TET1: variants seen among roughly 807,000 people sequenced by gnomAD.
TET1 encodes the protein methylcytosine dioxygenase TET1.
A neutral mutation model predicts 148.7 loss-of-function variants in TET1; 13 were observed. The ratio of observed to expected loss-of-function variants is 0.09; its 90% confidence interval spans 0.06 to 0.14. The LOEUF is 0.14. Among genes scored for constraint, TET1 ranks in the 10% least tolerant of loss-of-function variants. The pLI, the probability that TET1 is intolerant of heterozygous loss-of-function variation, is 1.00. For synonymous variants in TET1, 907 were observed against 937.2 expected, an observed-to-expected ratio of 0.97 and a Z score of 0.59; for missense variants, 2,182 against 2,553.8, an observed-to-expected ratio of 0.85 and a Z score of 3.14.
intron 3 of TET1, among the ~76,000 whole-genome samples, chr10:68,641,306 G>A (rs111772569): frequency 5.9e-5 from 9 of 151,856 alleles, no homozygotes; most frequent in African/African-American, 1.7e-4. Context: ...GGGTTCAAGC[G>A]ATTCTCCTGC....
intron 2 of TET1, among the ~76,000 whole-genome samples, chr10:68,580,264 A>C (rs950269312): frequency 7.3e-6 from 1 of 137,042 alleles, no homozygotes; most frequent in African/African-American, 2.7e-5. Flanking sequence ...TTTATTATTA[A>C]TTTTTATCTT....
chr10:68,670,667 T>C (rs2055260797), intron 7 of TET1, among the ~76,000 whole-genome samples: 1 of 152,222 alleles, frequency 6.6e-6, no homozygotes. Context: ...TTTTCAATGA[T>C]ATGAATAAAT....
Position 68,572,401 on chromosome 10 carries a change from A to G in TET1, c.63A>G (p.Lys21=). ...TCAGGAAGGAAGATGTAAACAAAAA[A>G]AAGAAAAACAGCCAACTACGAAAGA... is the stretch of plus-strand genomic sequence containing the variant. ...RLVRKEDVNK[K]KKNSQLRKTT... is the part of the protein sequence containing the mutation. The change falls in exon 2 of 12, where the codon AAA becomes AAG. Residue 21 remains lysine (K), a synonymous_variant. Coordinates refer to ENST00000373644, the MANE Select transcript of TET1 (RefSeq NM_030625.3). 6.2e-7 allele frequency: 1 copy of G among 1,613,078 alleles called. No homozygotes were observed. The highest frequency in any genetic ancestry group is 8.5e-7 in the Non-Finnish European group (1 of 1,179,802).
intron 3 of TET1, among the ~76,000 whole-genome samples, chr10:68,640,487 C>A (rs565065459): frequency 1.4e-5 from 2 of 143,396 alleles, no homozygotes; most frequent in African/African-American, 5.2e-5. Flanking sequence ...TGGTCTTGAT[C>A]TCCTGAACTC....
intron 3 of TET1, among the ~76,000 whole-genome samples, chr10:68,624,099 C>CTTTTTTTTTTTTTTTTTTTTTTTTTT (rs773374173): frequency 6.8e-6 from 1 of 148,032 alleles, no homozygotes; most frequent in Non-Finnish European, 1.5e-5. Context: ...TTCTTTCTTT[C>CTTTTTTTTTTTTTTTTTTTTTTTTTT]TTTTCTTTTT....
At chr10:68,655,653 T>G (rs907389700) in intron 6 of TET1, among the ~76,000 whole-genome samples, 3 of 152,224 alleles carry the variant, frequency 2.0e-5, no homozygotes, top group African/African-American at 7.2e-5. Context: ...AGTGTATAGT[T>G]TTTTTGTTTT....
chr10:68,641,102 A>C (rs2054746320), intron 3 of TET1, among the ~76,000 whole-genome samples: 1 of 151,278 alleles, frequency 6.6e-6, no homozygotes, highest in Non-Finnish European at 1.5e-5. Context: ...GAAGCCTAAA[A>C]TATTTACTAT....
At chr10:68,571,973 C>G (rs938723169) in intron 1 of TET1, among the ~76,000 whole-genome samples, 1 of 151,978 alleles carries the variant, frequency 6.6e-6, no homozygotes. Flanking sequence ...AAAAATTAGC[C>G]AGGTGTGATG....
chr10:68,613,240 T>A (rs1328632175), intron 3 of TET1, among the ~76,000 whole-genome samples: 13 of 152,256 alleles, frequency 8.5e-5, no homozygotes, highest in Admixed American at 1.3e-4. Context: ...TTCTCTGACA[T>A]GTTACATTTA....
chr10:68,655,889 C>A (rs1199097136), intron 6 of TET1, among the ~76,000 whole-genome samples: 3 of 152,102 alleles, frequency 2.0e-5, no homozygotes, highest in Non-Finnish European at 4.4e-5. Context: ...GCAAGTGAAG[C>A]TTCATCTGTA....
At chr10:68,601,254 C>T (rs2132875131) in intron 3 of TET1, among the ~76,000 whole-genome samples, 1 of 152,254 alleles carries the variant, frequency 6.6e-6, no homozygotes, top group East Asian at 1.9e-4. Flanking sequence ...CTCAAGTCTA[C>T]AGAAAGAAAA....
intron 2 of TET1, among the ~76,000 whole-genome samples, chr10:68,586,260 C>G (rs1293972455): frequency 1.3e-5 from 2 of 152,178 alleles, no homozygotes; most frequent in East Asian, 3.9e-4. Context: ...TCACTGCAAT[C>G]AGTACCTCCC....
intron 6 of TET1, among the ~76,000 whole-genome samples, chr10:68,655,719 T>G (rs2055011763): frequency 6.6e-6 from 1 of 152,244 alleles, no homozygotes; most frequent in African/African-American, 2.4e-5. Flanking sequence ...AAGATTTCGG[T>G]AACAACTTTC....
intron 6 of TET1, among the ~76,000 whole-genome samples, chr10:68,666,584 G>T (rs187400291): frequency 2.0e-4 from 31 of 152,230 alleles, no homozygotes; most frequent in Non-Finnish European, 3.5e-4. Context: ...TGTCTGTTGT[G>T]CAAACTATAA....
intron 6 of TET1, among the ~76,000 whole-genome samples, chr10:68,655,955 T>C (rs1200107586): frequency 2.6e-5 from 4 of 152,090 alleles, no homozygotes; most frequent in Non-Finnish European, 5.9e-5. Flanking sequence ...TTCTGTCAGA[T>C]CAGCAGTGGG....
At chr10:68,668,933 TATG>T (rs1444935805) in intron 7 of TET1, among the ~76,000 whole-genome samples, 7 of 152,124 alleles carry the variant, frequency 4.6e-5, no homozygotes, top group Admixed American at 3.9e-4. Context: ...TGCAGTGAAC[TATG>T]ATGATGCCAC....
chr10:68,639,454 C>CTATTAT (rs1252293347), intron 3 of TET1, among the ~76,000 whole-genome samples: 55 of 139,226 alleles, frequency 4.0e-4, no homozygotes, highest in African/African-American at 1.4e-3. Flanking sequence ...ATTACTACTA[C>CTATTAT]TACTACTACT....
chr10:68,592,006 G>A (rs781330974), intron 2 of TET1, among the ~76,000 whole-genome samples: 33 of 152,044 alleles, frequency 2.2e-4, no homozygotes, highest in Non-Finnish European at 4.3e-4. Flanking sequence ...GTTATACAAG[G>A]GTGTTTTCTA....
At chr10:68,570,394 C>G (rs113089236) in intron 1 of TET1, among the ~76,000 whole-genome samples, 1 of 151,972 alleles carries the variant, frequency 6.6e-6, no homozygotes, top group Non-Finnish European at 1.5e-5. Flanking sequence ...CGTGAGCCAC[C>G]GCGCCCAGCC....
Sources: gnomAD v4.1 joint callset for allele counts (sites outside exome capture counted in the v4.1 genomes callset) on GRCh38, gnomAD v4.1.1 for gene constraint, MANE v1.5 for transcripts, NCBI Gene and HGNC (gene_info 2026-07-23, HGNC 2026-07-21) for gene names.